Variants in RBFOX2 observed in about 807,000 individuals in gnomAD.
The protein encoded by RBFOX2 is RNA binding protein fox-1 homolog 2.
In RBFOX2, 10 loss-of-function variants were observed where a neutral mutation model predicts 49.1. The observed-to-expected ratio is 0.20, with a 90% CI of 0.13 to 0.35. The LOEUF is 0.35. Ranked by LOEUF, RBFOX2 falls within the 10% of genes least tolerant of loss-of-function variation. The probability of loss-of-function intolerance (pLI) is 1.00; values close to 1 mark genes in which losing one functional copy is unlikely to be tolerated. For synonymous variants in RBFOX2, 183 were observed against 187.4 expected (o/e 0.98, Z 0.19); for missense variants, 323 against 486.9 (o/e 0.66, Z 3.17).
intron 1 of RBFOX2, chr22:35,898,089 A>C: frequency 1.4e-6 from 1 of 737,936 alleles, no homozygotes; most frequent in Admixed American, 1.8e-5. Context: ...CCCATTCCAG[A>C]AACAGAAGCT....
At chr22:35,818,632 T>G (rs1203895914) in intron 1 of RBFOX2, among the ~76,000 whole-genome samples, 1 of 151,884 alleles carries the variant, frequency 6.6e-6, no homozygotes, top group Non-Finnish European at 1.5e-5. Context: ...AAAAAAATTT[T>G]TTTAAATAGC....
chr22:35,960,434 T>G (rs2056073806), intron 1 of RBFOX2, among the ~76,000 whole-genome samples: 1 of 152,156 alleles, frequency 6.6e-6, no homozygotes. Flanking sequence ...ACACACCATC[T>G]AAAGCTGCTT....
chr22:35,762,503 CTTTTTTTTTTT>C (rs769912529), intron 6 of RBFOX2, among the ~76,000 whole-genome samples: 1 of 126,858 alleles, frequency 7.9e-6, no homozygotes, highest in Admixed American at 8.0e-5. Flanking sequence ...TTGGCCTCCT[CTTTTTTTTTTT>C]TTTTTTTTTT....
In RBFOX2 at chr22:35,953,928, A is replaced by G. The variant is rs925782600; in HGVS notation, c.42+7635T>C. Among the ~76,000 whole-genome samples, 19 of 152,334 alleles carry G rather than the reference A, an allele frequency of 1.2e-4. No individual in the cohort carries two copies. In the East Asian group the frequency reaches 3.7e-3, roughly 29 times the overall value. ...TTTCCCAAAAAGATAAAATGTTTCT[A>G]AATTACATAAATAAATATTTTAAGT... On this transcript the variant is annotated intron_variant, in intron 1 of 5. Transcript: ENST00000408983.
intron 1 of RBFOX2, among the ~76,000 whole-genome samples, chr22:35,938,093 G>T (rs970760583): frequency 6.6e-6 from 1 of 152,128 alleles, no homozygotes; most frequent in East Asian, 1.9e-4. Flanking sequence ...ATCTCCTGAA[G>T]AACGTCAATA....
chr22:35,827,986 C>T, intron 1 of RBFOX2, among the ~76,000 whole-genome samples: 1 of 151,960 alleles, frequency 6.6e-6, no homozygotes, highest in South Asian at 2.1e-4. Context: ...CAAGGTGAAA[C>T]CCCATCTCTA....
At chr22:36,006,426 A>G (rs1024592394) in intron 1 of RBFOX2, among the ~76,000 whole-genome samples, 1 of 152,248 alleles carries the variant, frequency 6.6e-6, no homozygotes, top group South Asian at 2.1e-4. Flanking sequence ...GTACAACTAC[A>G]TATGTACAAC....
At chr22:35,857,988 G>A (rs1010059037) in intron 1 of RBFOX2, among the ~76,000 whole-genome samples, 2 of 152,186 alleles carry the variant, frequency 1.3e-5, no homozygotes, top group African/African-American at 4.8e-5. Context: ...ATGCCAAGTA[G>A]AAATCTAGAA....
intron 1 of RBFOX2, among the ~76,000 whole-genome samples, chr22:35,881,689 A>G (rs1371927137): frequency 6.6e-6 from 1 of 151,046 alleles, no homozygotes; most frequent in Non-Finnish European, 1.5e-5. Context: ...GGCCGGGCAC[A>G]GTGGCTCACA....
At chr22:35,776,514 A>G (rs1943946524) in intron 4 of RBFOX2, among the ~76,000 whole-genome samples, 1 of 152,202 alleles carries the variant, frequency 6.6e-6, no homozygotes, top group African/African-American at 2.4e-5. Flanking sequence ...CAGCACATAC[A>G]TTTTTAAGTG....
chr22:35,805,317 A>C lies in RBFOX2; in HGVS notation c.252+4463T>G, dbSNP rs551132137. Among the ~76,000 whole-genome samples the C allele has an allele frequency of 1.4e-3, 217 of 151,234 alleles. 6 individuals carry two copies. In the South Asian group the frequency reaches 0.044, roughly 31 times the overall value. ...AAAAAAAAAAAAAAAAAAAAAAGTA[A>C]GACAAAGACCTTACCAGATACCTCA... is the stretch of plus-strand genomic sequence containing the variant. On this transcript the variant is annotated intron_variant, in intron 2 of 11. Transcript: ENST00000405409.
chr22:35,831,738 A>G (rs1297130199), intron 1 of RBFOX2, among the ~76,000 whole-genome samples: 1 of 152,196 alleles, frequency 6.6e-6, no homozygotes, highest in Non-Finnish European at 1.5e-5. Context: ...TCCTTCACTT[A>G]AGTCCCAGTT....
At chr22:35,937,900 T>G (rs1380701992) in intron 1 of RBFOX2, among the ~76,000 whole-genome samples, 1 of 152,138 alleles carries the variant, frequency 6.6e-6, no homozygotes, top group Admixed American at 6.5e-5. Context: ...ACCATCCTAG[T>G]TTTTAAGATC....
intron 4 of RBFOX2, among the ~76,000 whole-genome samples, chr22:35,771,590 T>C (rs1174625812): frequency 3.9e-5 from 6 of 152,168 alleles, no homozygotes; most frequent in Admixed American, 1.3e-4. Flanking sequence ...CCTCTTAGAA[T>C]TAAAGTCCAT....
intron 1 of RBFOX2, among the ~76,000 whole-genome samples, chr22:35,811,442 G>A (rs1951847044): frequency 6.6e-6 from 1 of 152,176 alleles, no homozygotes; most frequent in Non-Finnish European, 1.5e-5. Context: ...CCCATGTGAA[G>A]ACACAGAGCA....
chr22:35,990,519 G>GA (rs1027849363), intron 1 of RBFOX2, among the ~76,000 whole-genome samples: 10 of 152,272 alleles, frequency 6.6e-5, no homozygotes, highest in Admixed American at 5.2e-4. Flanking sequence ...GTCTTAATGA[G>GA]AAAATGAGAC....
At chr22:35,895,657 G>A (rs2047755864) in intron 1 of RBFOX2, among the ~76,000 whole-genome samples, 1 of 152,126 alleles carries the variant, frequency 6.6e-6, no homozygotes, top group African/African-American at 2.4e-5. Context: ...TGAGCTCGTA[G>A]CATGGTACAG....
chr22:35,880,619 T>C (rs901646780), intron 1 of RBFOX2, among the ~76,000 whole-genome samples: 1 of 152,226 alleles, frequency 6.6e-6, no homozygotes, highest in Admixed American at 6.5e-5. Flanking sequence ...TTTTCTTTCT[T>C]AGAGGTATTC....
intron 1 of RBFOX2, among the ~76,000 whole-genome samples, chr22:35,952,267 T>C (rs1188627634): frequency 1.3e-5 from 2 of 152,220 alleles, no homozygotes; most frequent in Non-Finnish European, 2.9e-5. Context: ...ATGCACCTTT[T>C]TTCTTTGCTG....
Sources: gnomAD v4.1 joint callset for allele counts (sites outside exome capture counted in the v4.1 genomes callset) on GRCh38, gnomAD v4.1.1 for gene constraint, MANE v1.5 for transcripts, NCBI Gene and HGNC (gene_info 2026-07-23, HGNC 2026-07-21) for gene names.